Variants in FHAD1 observed in about 807,000 individuals in gnomAD.
FHAD1 encodes forkhead associated phosphopeptide binding domain 1.
In FHAD1, 146 loss-of-function variants were observed where a neutral mutation model predicts 191.3. That is an observed-to-expected ratio of 0.76 (90% CI 0.67 to 0.88). FHAD1 has a LOEUF of 0.88. Ranked by LOEUF, FHAD1 falls within the 40% of genes least tolerant of loss-of-function variation. The pLI is 0.00. For missense variants in FHAD1, 1,635 were observed against 1,785.8 expected, an observed-to-expected ratio of 0.92 and a Z score of 1.52; for synonymous variants, 616 against 672.3, an observed-to-expected ratio of 0.92 and a Z score of 1.29.
rs71572150 is a variant in FHAD1 at position 15,328,048 on chromosome 1, GA to G, written c.1558-225del. 8.3e-4 allele frequency: 135 copies of G among 162,604 alleles called. 2 individuals are homozygous for G. Among genetic ancestry groups the G allele is most frequent in the Middle Eastern group, 3.4e-3 (2 of 592 alleles). 10.1% of individuals were successfully genotyped at this position (162,604 alleles called of 1,614,324 possible). ...AACTCCGTCGCAAAAAAAAAAAAAA[GA>G]AAAGAAAAAAGAAAAGAGAATCTCT... is the stretch of plus-strand genomic sequence containing the variant. On this transcript the variant is annotated intron_variant, in intron 12 of 33. Transcript: ENST00000688493.
intron 33 of FHAD1, among the ~76,000 whole-genome samples, chr1:15,395,429 C>A (rs2103190294): frequency 6.6e-6 from 1 of 152,262 alleles, no homozygotes; most frequent in South Asian, 2.1e-4. Context: ...CTCTCCATAC[C>A]TCTGCTGATT....
chr1:15,340,293 T>TA (rs886852448), intron 15 of FHAD1, among the ~76,000 whole-genome samples: 8 of 152,250 alleles, frequency 5.3e-5, no homozygotes, highest in Non-Finnish European at 1.2e-4. Flanking sequence ...TATTATATAA[T>TA]AAACAACCAC....
chr1:15,335,533 A>T (rs557864840), intron 14 of FHAD1: 1 of 152,120 alleles, frequency 6.6e-6, no homozygotes, highest in Non-Finnish European at 1.5e-5. Context: ...TGAGAAAAAG[A>T]CATCAAACTG....
chr1:15,399,373 C>G (rs1706903116), downstream of FHAD1, among the ~76,000 whole-genome samples: 1 of 151,886 alleles, frequency 6.6e-6, no homozygotes, highest in Non-Finnish European at 1.5e-5. Flanking sequence ...TCCAGATCAG[C>G]CTGGACAACA....
At chr1:15,371,405 C>T (rs919655036) in intron 26 of FHAD1, among the ~76,000 whole-genome samples, 2 of 152,200 alleles carry the variant, frequency 1.3e-5, no homozygotes, top group African/African-American at 2.4e-5. Flanking sequence ...GTATTTGTTC[C>T]TTCTTGGAAT....
At chr1:15,340,306 A>G (rs1686022787) in intron 15 of FHAD1, among the ~76,000 whole-genome samples, 1 of 152,190 alleles carries the variant, frequency 6.6e-6, no homozygotes, top group Non-Finnish European at 1.5e-5. Context: ...ACAACCACAA[A>G]ACTTCAGCGG....
chr1:15,337,078 G>A (rs956108940), intron 14 of FHAD1, among the ~76,000 whole-genome samples: 2 of 152,246 alleles, frequency 1.3e-5, no homozygotes, highest in Admixed American at 6.5e-5. Flanking sequence ...AAGTGGTGCA[G>A]GGAGTCCAGC....
At chr1:15,388,994 G>A (rs766824102) in intron 32 of FHAD1, among the ~76,000 whole-genome samples, 1 of 152,120 alleles carries the variant, frequency 6.6e-6, no homozygotes, top group Non-Finnish European at 1.5e-5. Context: ...CCAGTGCTCA[G>A]GTGTCCACTG....
chr1:15,287,345 C>G (rs904107594), intron 3 of FHAD1, among the ~76,000 whole-genome samples: 1 of 152,140 alleles, frequency 6.6e-6, no homozygotes, highest in Non-Finnish European at 1.5e-5. Flanking sequence ...AAGGACATAC[C>G]AGAGACTGTG....
chr1:15,255,120 T>A (rs865854715), intron 2 of FHAD1, among the ~76,000 whole-genome samples: 1 of 147,762 alleles, frequency 6.8e-6, no homozygotes, highest in African/African-American at 2.5e-5. Context: ...TCAGGAATCT[T>A]AAAAAAGTCA....
chr1:15,352,932 AG>A lies in FHAD1; in HGVS notation c.2512del (p.Glu838LysfsTer12), dbSNP rs1226499978. 1 of 1,551,400 alleles carries A rather than the reference AG, an allele frequency of 6.4e-7. No homozygotes were observed. The highest frequency in any genetic ancestry group is 2.0e-5 in the Admixed American group (1 of 50,956). Reference sequence around the variant, plus strand: ...CGCAAAGCAAAGGAGGCCATGGAGAAGGAAAAGAAAAAGGTGCAAGACCTGG... The same window carrying A: ...CGCAAAGCAAAGGAGGCCATGGAGAAGAAAAGAAAAAGGTGCAAGACCTGG... ...EKRKAKEAME[K>X]EKKKVQDLEN... On this transcript the variant is annotated frameshift_variant, in exon 20 of 34. Coordinates refer to ENST00000688493, the MANE Select transcript of FHAD1 (RefSeq NM_001391957.1). LOFTEE classifies it high-confidence loss of function.
intron 2 of FHAD1, among the ~76,000 whole-genome samples, chr1:15,258,326 A>G (rs1649292130): frequency 6.6e-6 from 1 of 152,114 alleles, no homozygotes; most frequent in African/African-American, 2.4e-5. Context: ...TTCCTCATAG[A>G]CTATACTATA....
At chr1:15,353,335 C>T (rs1691513372) in intron 20 of FHAD1, among the ~76,000 whole-genome samples, 1 of 152,190 alleles carries the variant, frequency 6.6e-6, no homozygotes, top group Non-Finnish European at 1.5e-5. Context: ...GACTGTCTGA[C>T]TCCCCAATGC....
At chr1:15,350,096 G>A (rs912708244) in intron 19 of FHAD1, among the ~76,000 whole-genome samples, 14 of 152,122 alleles carry the variant, frequency 9.2e-5, no homozygotes, top group Admixed American at 2.6e-4. Context: ...TGAACGGTTC[G>A]ATTCGGTTTC....
chr1:15,377,702 C>T (rs1699987204), intron 28 of FHAD1, among the ~76,000 whole-genome samples: 2 of 151,858 alleles, frequency 1.3e-5, no homozygotes, highest in Admixed American at 1.3e-4. Context: ...ATTGGTGGCT[C>T]ATGCCTGTAG....
At chr1:15,399,918 A>G (rs1469312335), downstream of FHAD1, 1 of 152,264 alleles carries the variant, frequency 6.6e-6, no homozygotes, top group East Asian at 1.9e-4. Flanking sequence ...TATAGGCTCA[A>G]AGCTAATCAC....
chr1:15,308,092 C>T (rs533250631), intron 6 of FHAD1, among the ~76,000 whole-genome samples: 21 of 152,308 alleles, frequency 1.4e-4, no homozygotes, highest in East Asian at 3.9e-4. Context: ...CAGACTAATA[C>T]GGGAGCATTC....
Position 15,345,453 on chromosome 1 carries a change from T to G in FHAD1, c.2276T>G (p.Val759Gly). ...AGCATTACCCAGGAGAAGAACAGAG[T>G]GAAGGAAGCATTAGAGGAAGAGCAG... The part of the protein sequence containing the change: ...AKSITQEKNR[V>G]KEALEEEQTR... The change falls in exon 18 of 34, where the codon GTG becomes GGG. Residue 759 changes from valine (V) to glycine (G), a missense_variant. Transcript: ENST00000688493. 6.4e-7 allele frequency: 1 copy of G among 1,551,768 alleles called. No individual in the cohort carries two copies. The highest frequency in any genetic ancestry group is 1.2e-5 in the South Asian group (1 of 84,046).
intron 18 of FHAD1, 37 bp from the exon 19 acceptor site, chr1:15,349,005 G>T: frequency 7.6e-7 from 1 of 1,320,006 alleles, no homozygotes; most frequent in African/African-American, 1.5e-5. Flanking sequence ...CCCCCTAAAT[G>T]TGCAGGCCAC....
Sources: allele counts gnomAD v4.1 joint callset (sites outside exome capture counted in the v4.1 genomes callset), GRCh38; gene constraint gnomAD v4.1.1; transcripts MANE v1.5; gene names NCBI Gene and HGNC (gene_info 2026-07-23, HGNC 2026-07-21).